FNDC1: variants seen among roughly 807,000 people sequenced by gnomAD.
FNDC1 encodes the protein fibronectin type III domain containing 1.
FNDC1 carries 96 observed loss-of-function variants against 168.0 expected under a neutral mutation model. The ratio of observed to expected loss-of-function variants is 0.57; its 90% CI spans 0.48 to 0.68. The LOEUF (loss-of-function observed/expected upper bound fraction) is 0.68. Among genes scored for constraint, FNDC1 ranks in the 30% least tolerant of loss-of-function variants. The probability of loss-of-function intolerance (pLI) is 0.00; values close to 1 mark genes in which losing one functional copy is unlikely to be tolerated. For synonymous variants in FNDC1, 1,099 were observed against 1,025.9 expected, an observed-to-expected ratio of 1.07 and a Z score of -1.36; for missense variants, 2,587 against 2,482.1, an observed-to-expected ratio of 1.04 and a Z score of -0.90.
chr6:159,187,981 C>T (rs1338707542), intron 1 of FNDC1, among the ~76,000 whole-genome samples: 1 of 152,154 alleles, frequency 6.6e-6, no homozygotes, highest in African/African-American at 2.4e-5. Context: ...CCTTTTCTGG[C>T]TGATTATCTG....
At chr6:159,214,073 GAACT>G (rs1225202614) in intron 4 of FNDC1, among the ~76,000 whole-genome samples, 1 of 152,164 alleles carries the variant, frequency 6.6e-6, no homozygotes, top group African/African-American at 2.4e-5. Context: ...GAATGCTTGG[GAACT>G]AACTGCCTTA....
intron 18 of FNDC1, among the ~76,000 whole-genome samples, chr6:159,260,949 A>G (rs1017091799): frequency 6.6e-6 from 1 of 152,162 alleles, no homozygotes; most frequent in Non-Finnish European, 1.5e-5. Flanking sequence ...GTGTTCTAAT[A>G]TGTCCCTTCT....
intron 17 of FNDC1, among the ~76,000 whole-genome samples, chr6:159,253,791 G>A (rs1326553159): frequency 6.6e-6 from 1 of 152,218 alleles, no homozygotes; most frequent in Non-Finnish European, 1.5e-5. Flanking sequence ...AGGATCAGCC[G>A]AGAAACCAGT....
intron 5 of FNDC1, among the ~76,000 whole-genome samples, chr6:159,216,964 G>A (rs1027480926): frequency 2.0e-5 from 3 of 152,198 alleles, no homozygotes; most frequent in African/African-American, 4.8e-5. Context: ...TCCCTTACCT[G>A]GTCTCTTCCC....
chr6:159,265,492 C>T (rs927452871), intron 20 of FNDC1, among the ~76,000 whole-genome samples: 1 of 152,118 alleles, frequency 6.6e-6, no homozygotes, highest in African/African-American at 2.4e-5. Context: ...ATTTTCCTTG[C>T]CGTTTAAAGA....
intron 1 of FNDC1, among the ~76,000 whole-genome samples, chr6:159,184,585 C>A (rs979262458): frequency 6.6e-6 from 1 of 152,168 alleles, no homozygotes; most frequent in Non-Finnish European, 1.5e-5. Flanking sequence ...ACCTACCTCT[C>A]CAGAACCTTT....
At position 159,233,817 on chromosome 6, in the gene FNDC1, A is replaced by G. The variant is rs1224178422; in HGVS notation, c.3305A>G (p.Glu1102Gly). 37 of 1,540,608 alleles carry G rather than the reference A, an allele frequency of 2.4e-5. No individual in the cohort carries two copies. The highest frequency in any genetic ancestry group is 6.0e-5 in the South Asian group (5 of 82,730). The part of the protein sequence containing the change: ...RAPAHAARAK[E>G]AAASLPKHQQ... ...CCCGCGCACGCCGCGCGCGCCAAGG[A>G]GGCAGCTGCGTCCCTTCCCAAGCAC... The change falls in exon 11 of 23, where the codon GAG becomes GGG. Residue 1102 changes from glutamate (E) to glycine (G), a missense_variant. Transcript: ENST00000297267. This position sits in a 1 kb window ranked among gnomAD's most constrained non-coding sequence, Gnocchi z 4.6.
Position 159,261,262 on chromosome 6 carries a change from C to T in FNDC1, c.5247C>T (p.Thr1749=), listed in dbSNP as rs758046177. The T allele has an allele frequency of 4.3e-5, 70 of 1,609,588 alleles. No homozygotes were observed. The highest frequency in any genetic ancestry group is 1.6e-4 in the Middle Eastern group (1 of 6,064). The change falls in exon 19 of 23, where the codon ACC becomes ACT. Residue 1749 remains threonine, a synonymous_variant. Coordinates refer to ENST00000297267, the MANE Select transcript of FNDC1 (RefSeq NM_032532.3). Reference sequence around the variant, plus strand: ...TCAGCCCTTCGGTCTCATTTGTCACCGAATCAGGTATGAATGACTTCACAT... The same window carrying T: ...TCAGCCCTTCGGTCTCATTTGTCACTGAATCAGGTATGAATGACTTCACAT... ...GPISPSVSFV[T]ESDNPLLVVR...
chr6:159,177,358 G>A (rs1781782708), intron 1 of FNDC1, among the ~76,000 whole-genome samples: 1 of 152,178 alleles, frequency 6.6e-6, no homozygotes, highest in Non-Finnish European at 1.5e-5. Flanking sequence ...AAGTACCTGA[G>A]AAAGCTGTGC....
intron 1 of FNDC1, among the ~76,000 whole-genome samples, chr6:159,194,726 A>G (rs1044202235): frequency 1.3e-5 from 2 of 152,182 alleles, no homozygotes; most frequent in Non-Finnish European, 1.5e-5. Flanking sequence ...CAAGTAATGT[A>G]AGCTCATGCA....
chr6:159,246,939 A>G lies in FNDC1; in HGVS notation c.4660A>G (p.Thr1554Ala), dbSNP rs1441734457. ...SGLETDTAVP[T>A]EEAYVIYDED... ...CTTGGAGACTGACACTGCAGTACCT[A>G]CGGAAGAGGCCTACGTTATATATGA... The change falls in exon 15 of 23, where the codon ACG (threonine) becomes GCG (alanine). Residue 1554 changes from threonine to alanine, a missense_variant. Coordinates refer to ENST00000297267, the MANE Select transcript of FNDC1 (RefSeq NM_032532.3). 18 of 1,613,008 alleles carry G rather than the reference A, an allele frequency of 1.1e-5. No individual in the cohort carries two copies. Among genetic ancestry groups the G allele is most frequent in the Non-Finnish European group, 1.5e-5 (18 of 1,178,970 alleles).
chr6:159,263,065 A>C (rs1195213754), intron 19 of FNDC1, among the ~76,000 whole-genome samples: 1 of 152,250 alleles, frequency 6.6e-6, no homozygotes, highest in Non-Finnish European at 1.5e-5. Context: ...TGTGTGACAC[A>C]GGCTGTGCCA....
chr6:159,195,316 A>G (rs1047480156), intron 1 of FNDC1, among the ~76,000 whole-genome samples: 3 of 148,662 alleles, frequency 2.0e-5, no homozygotes, highest in African/African-American at 7.4e-5. Flanking sequence ...TCCAGAAGAG[A>G]GAGGTCGATG....
At chr6:159,201,755 CAT>C (rs1782384645) in intron 4 of FNDC1, among the ~76,000 whole-genome samples, 1 of 152,200 alleles carries the variant, frequency 6.6e-6, no homozygotes, top group Non-Finnish European at 1.5e-5. Flanking sequence ...TGAACACACA[CAT>C]GTAAACAGAC....
At chr6:159,249,505 TACG>T (rs1777212288) in intron 16 of FNDC1, among the ~76,000 whole-genome samples, 1 of 152,220 alleles carries the variant, frequency 6.6e-6, no homozygotes, top group South Asian at 2.1e-4. Flanking sequence ...CCAGTTTTTC[TACG>T]ACAAGACTTA....
intron 15 of FNDC1, among the ~76,000 whole-genome samples, chr6:159,247,433 T>G (rs1456069882): frequency 6.6e-6 from 1 of 152,212 alleles, no homozygotes; most frequent in Non-Finnish European, 1.5e-5. Flanking sequence ...TCATAGAATC[T>G]TTTCAAGGGT....
chr6:159,250,486 A>G (rs955627468), intron 16 of FNDC1, among the ~76,000 whole-genome samples: 1 of 152,220 alleles, frequency 6.6e-6, no homozygotes, highest in African/African-American at 2.4e-5. Context: ...ATCACTTGAG[A>G]GTTTTGCATA....
intron 1 of FNDC1, among the ~76,000 whole-genome samples, chr6:159,172,032 G>C (rs1288103964): frequency 1.3e-5 from 2 of 152,280 alleles, no homozygotes; most frequent in African/African-American, 4.8e-5. Context: ...AGTAGTCTTT[G>C]AATTTTGGGG....
At chr6:159,268,992 ATC>A (rs1777652822) in intron 22 of FNDC1, among the ~76,000 whole-genome samples, 1 of 7,382 alleles carries the variant, frequency 1.4e-4, no homozygotes, top group Non-Finnish European at 3.6e-4. Context: ...GTATCTATTT[ATC>A]CATCCATCCA....
Sources: allele counts gnomAD v4.1 joint callset (sites outside exome capture counted in the v4.1 genomes callset), GRCh38; gene constraint gnomAD v4.1.1; non-coding constraint Gnocchi (gnomAD v3.1); transcripts MANE v1.5; gene names NCBI Gene and HGNC (gene_info 2026-07-23, HGNC 2026-07-21).